The following SUCLA2 variants were observed in gnomAD, a reference collection of about 807,000 sequenced individuals.
SUCLA2 encodes succinate--CoA ligase [ADP-forming] subunit beta, mitochondrial.
SUCLA2 carries 30 observed loss-of-function variants against 54.8 expected under a neutral mutation model. The ratio of observed to expected loss-of-function variants is 0.55; its 90% CI spans 0.41 to 0.74. The LOEUF (loss-of-function observed/expected upper bound fraction) is 0.74, where lower values mean the gene tolerates loss of function less well. Among genes scored for constraint, SUCLA2 ranks in the 30% least tolerant of loss-of-function variants. SUCLA2 has a pLI of 0.00. For missense variants in SUCLA2, 476 were observed against 562.9 expected, an observed-to-expected ratio of 0.85 and a Z score of 1.56; for synonymous variants, 172 against 188.9, an observed-to-expected ratio of 0.91 and a Z score of 0.74.
At chr13:47,986,653 T>C (rs1471848650) in intron 4 of SUCLA2, among the ~76,000 whole-genome samples, 1 of 152,200 alleles carries the variant, frequency 6.6e-6, no homozygotes, top group Non-Finnish European at 1.5e-5. Flanking sequence ...TTACCTAGAT[T>C]TCCTTCTAGA....
At chr13:47,956,393 C>T (rs924692459) in intron 6 of SUCLA2, among the ~76,000 whole-genome samples, 3 of 152,008 alleles carry the variant, frequency 2.0e-5, no homozygotes, top group Non-Finnish European at 4.4e-5. Context: ...GAAACTGCAC[C>T]TCAGTGACCT....
chr13:47,988,811 T>C lies in SUCLA2; in HGVS notation c.371+71A>G, dbSNP rs1950126576. On this transcript the variant is annotated intron_variant, in intron 3 of 10. Coordinates refer to ENST00000646932, the MANE Select transcript of SUCLA2 (RefSeq NM_003850.3). The stretch of plus-strand genomic sequence containing the variant: ...ATCTAATATTTAAATTTCAGTATTT[T>C]CATCAATTCAATAAGTAATCTTTAA... 2.5e-6 allele frequency: 4 copies of C among 1,593,542 alleles called. No homozygotes were observed. The Admixed American group carries it at 6.7e-5, about 27-fold the overall frequency.
At chr13:47,945,873 T>C (rs9534876) in intron 10 of SUCLA2, 95,120 of 152,198 alleles carry the variant, frequency 0.62, 30,701 homozygotes, top group East Asian at 0.77. Context: ...ACCATCTCTT[T>C]GCCCAGCGTA....
intron 1 of SUCLA2, chr13:48,000,892 CCA>C: frequency 7.6e-7 from 1 of 1,310,632 alleles, no homozygotes; most frequent in Non-Finnish European, 9.8e-7. Flanking sequence ...CCCCTCACCT[CCA>C]CTCAGAGCCC....
chr13:47,978,080 G>A (rs1950031656), intron 4 of SUCLA2, among the ~76,000 whole-genome samples: 1 of 152,124 alleles, frequency 6.6e-6, no homozygotes, highest in African/African-American at 2.4e-5. Context: ...TCATGAAAAT[G>A]GCCATACTGC....
At chr13:47,943,744 ATG>A (rs150379863) in intron 10 of SUCLA2, among the ~76,000 whole-genome samples, 6,978 of 144,282 alleles carry the variant, frequency 0.048, 246 homozygotes, top group African/African-American at 0.1. Context: ...GTGTGTATGT[ATG>A]TGTGTGTGTG....
chr13:47,950,491 G>A (rs756561137), intron 8 of SUCLA2, among the ~76,000 whole-genome samples: 3 of 152,028 alleles, frequency 2.0e-5, no homozygotes, highest in Non-Finnish European at 4.4e-5. Context: ...TGTAATCAAC[G>A]TTTTACACAA....
chr13:47,965,513 AAAC>A lies in SUCLA2; in HGVS notation c.802+3079_802+3081del, dbSNP rs1566085321. On this transcript the variant is annotated intron_variant, in intron 6 of 10. Coordinates refer to ENST00000646932, the MANE Select transcript of SUCLA2 (RefSeq NM_003850.3). ...CTTCTTTAAAAAAAAAAAAACAAAC[AAAC>A]AAAAAAAAAAAACAAAGAAAAACAG... is the stretch of plus-strand genomic sequence containing the variant. 238 of 387,120 alleles carry A rather than the reference AAAC, an allele frequency of 6.1e-4. 1 individual carries two copies. Among genetic ancestry groups the A allele is most frequent in the South Asian group, 2.3e-3 (17 of 7,524 alleles). The allele number at this position is 387,120 out of a possible 1,614,324, so 24.0% of individuals were successfully genotyped here. A position where few individuals can be genotyped will look rare whatever the true frequency, so the allele number is the denominator to read the frequency against.
At chr13:47,965,459 T>G (rs1410138477) in intron 6 of SUCLA2, 1 of 373,168 alleles carries the variant, frequency 2.7e-6, no homozygotes, top group African/African-American at 2.4e-5. Context: ...AAACACAAAC[T>G]GAAGGGCATT....
At chr13:47,977,551 C>T (rs1335621361) in intron 4 of SUCLA2, among the ~76,000 whole-genome samples, 1 of 151,728 alleles carries the variant, frequency 6.6e-6, no homozygotes, top group Admixed American at 6.6e-5. Context: ...CTGAATTCAA[C>T]AACACATTAA....
rs537138464 is a variant in SUCLA2, at chr13:47,996,362, CT to C, written c.271+480del. On this transcript the variant is annotated intron_variant, in intron 2 of 10. Coordinates refer to ENST00000646932, the MANE Select transcript of SUCLA2 (RefSeq NM_003850.3). ...AAAGAAAAGAAAAAGAAACTCTGCTCTCAAGGAGTTTACATTCTAGCACTCT... is the reference window on the plus strand; with the variant it reads ...AAAGAAAAGAAAAAGAAACTCTGCTCCAAGGAGTTTACATTCTAGCACTCT... Among the ~76,000 whole-genome samples the C allele has an allele frequency of 7.3e-4, 111 of 151,274 alleles. 1 individual carries two copies. Among genetic ancestry groups the C allele is most frequent in the African/African-American group, 2.6e-3 (109 of 41,358 alleles).
At position 47,988,583 on chromosome 13, in the gene SUCLA2, C is replaced by A; in HGVS notation, c.492G>T (p.Arg164Ser). ...QVLVCERKYP[R>S]REYYFAITME... is the part of the protein sequence containing the mutation. ...TTGTTATTGCAAAGTAGTATTCTCT[C>A]CTGGGATATTTTCGCTCACAGACCA... Residue 164 changes from arginine to serine, a missense_variant, in exon 4 of 11, where the codon AGG (arginine) becomes AGT (serine). Around this residue, in one of 2 missense-constraint regions of SUCLA2, gnomAD observed 342 missense variants for 444.2 expected, o/e 0.77. Transcript: ENST00000646932. 2 of 1,613,908 alleles carry A rather than the reference C, an allele frequency of 1.2e-6. No homozygotes were observed. Among genetic ancestry groups the A allele is most frequent in the Non-Finnish European group, 1.7e-6 (2 of 1,179,950 alleles).
chr13:47,973,345 A>G lies in SUCLA2; in HGVS notation c.582T>C (p.Asp194=), dbSNP rs775573137. The change falls in exon 5 of 11, where the codon GAT becomes GAC. Residue 194 remains aspartate (D), a synonymous_variant. Coordinates refer to ENST00000646932, the MANE Select transcript of SUCLA2 (RefSeq NM_003850.3). ...GSSHGGVNIE[D]VAAESPEAII... The stretch of plus-strand genomic sequence containing the variant: ...TTGCTTCAGGAGACTCAGCAGCAAC[A>G]TCTTCAATGTTGACACCACCATGTG... 8 of 1,613,826 alleles carry G rather than the reference A, an allele frequency of 5.0e-6. No homozygotes were observed. The East Asian group carries it at 6.7e-5, about 13-fold the overall frequency.
At chr13:47,983,807 ACT>A (rs1950077767) in intron 4 of SUCLA2, among the ~76,000 whole-genome samples, 1 of 151,772 alleles carries the variant, frequency 6.6e-6, no homozygotes, top group South Asian at 2.1e-4. Flanking sequence ...TTTTAGTTTT[ACT>A]CTCTTTTTAT....
intron 8 of SUCLA2, among the ~76,000 whole-genome samples, chr13:47,950,693 C>G (rs983522275): frequency 2.6e-5 from 4 of 152,114 alleles, no homozygotes; most frequent in Non-Finnish European, 4.4e-5. Flanking sequence ...CTCAGCTATA[C>G]CAGGGCTTCT....
intron 10 of SUCLA2, among the ~76,000 whole-genome samples, chr13:47,945,465 AAGCTATAG>A (rs1318032929): frequency 3.4e-5 from 5 of 146,348 alleles, no homozygotes; most frequent in African/African-American, 1.2e-4. Context: ...ACTATTGATT[AAGCTATAG>A]AGCCCAAAGA....
Position 47,988,566 on chromosome 13 carries a change from G to A in SUCLA2, c.509C>T (p.Ala170Val), listed in dbSNP as rs147786579. ...RKYPRREYYF[A>V]ITMERSFQGP... The stretch of plus-strand genomic sequence containing the variant: ...TTGAAATGACCTTTCCATTGTTATT[G>A]CAAAGTAGTATTCTCTCCTGGGATA... Residue 170 changes from alanine to valine, a missense_variant, in exon 4 of 11, where the codon GCA (alanine) becomes GTA (valine). This residue lies in a region of SUCLA2 where 342 missense variants were observed against 444.2 expected (regional missense o/e 0.77). Transcript: ENST00000646932. 1.2e-6 allele frequency: 2 copies of A among 1,613,602 alleles called. No individual in the cohort carries two copies. Among genetic ancestry groups the A allele is most frequent in the African/African-American group, 1.3e-5 (1 of 74,866 alleles).
chr13:47,987,802 G>T (rs946753803), intron 4 of SUCLA2: 1 of 151,730 alleles, frequency 6.6e-6, no homozygotes, highest in African/African-American at 2.4e-5. Context: ...TCCGTACTGG[G>T]GCTTTCAAAT....
chr13:47,943,766 G>GTATATATATATA (rs1555255588), intron 10 of SUCLA2, among the ~76,000 whole-genome samples: 186 of 139,646 alleles, frequency 1.3e-3, no homozygotes, highest in African/African-American at 4.7e-3. Flanking sequence ...GTGTGTGTGT[G>GTATATATATATA]TATATATATA....
Sources: allele counts gnomAD v4.1 joint callset (sites outside exome capture counted in the v4.1 genomes callset), GRCh38; gene constraint gnomAD v4.1.1; regional missense constraint gnomAD v4.1.1; transcripts MANE v1.5; gene names NCBI Gene and HGNC (gene_info 2026-07-23, HGNC 2026-07-21).